PLEKHA6: variants seen among roughly 807,000 people sequenced by gnomAD.
PLEKHA6 encodes pleckstrin homology domain-containing family A member 6.
PLEKHA6 carries 60 observed loss-of-function variants against 116.7 expected under a neutral mutation model. That is an observed-to-expected ratio of 0.51 (90% CI 0.42 to 0.64). The LOEUF (loss-of-function observed/expected upper bound fraction) is 0.64, where lower values mean the gene tolerates loss of function less well. Among genes scored for constraint, PLEKHA6 ranks in the 30% least tolerant of loss-of-function variants. The probability of loss-of-function intolerance (pLI) is 0.00; values close to 1 mark genes in which losing one functional copy is unlikely to be tolerated. For missense variants in PLEKHA6, 1,338 were observed against 1,422.7 expected, an observed-to-expected ratio of 0.94 and a Z score of 0.96; for synonymous variants, 489 against 556.1, an observed-to-expected ratio of 0.88 and a Z score of 1.70.
At chr1:204,279,545 T>C (rs1668379890) in intron 1 of PLEKHA6, among the ~76,000 whole-genome samples, 1 of 152,244 alleles carries the variant, frequency 6.6e-6, no homozygotes, top group Non-Finnish European at 1.5e-5. Context: ...CAAGGACAAA[T>C]GATTATGAAT....
At chr1:204,316,648 A>G (rs1481408702) in intron 1 of PLEKHA6, among the ~76,000 whole-genome samples, 1 of 152,180 alleles carries the variant, frequency 6.6e-6, no homozygotes, top group Non-Finnish European at 1.5e-5. Flanking sequence ...TCGGTTTCCC[A>G]TCTTTTCTGG....
At chr1:204,243,789 G>A (rs1663199125) in intron 15 of PLEKHA6, among the ~76,000 whole-genome samples, 1 of 152,094 alleles carries the variant, frequency 6.6e-6, no homozygotes, top group African/African-American at 2.4e-5. Context: ...GAGCACATGT[G>A]CGTATCTTTA....
chr1:204,321,935 G>A (rs1213110622), intron 1 of PLEKHA6, among the ~76,000 whole-genome samples: 5 of 152,186 alleles, frequency 3.3e-5, no homozygotes, highest in Admixed American at 2.0e-4. Context: ...TGCCCCTGGG[G>A]CTCTGGCAGG....
At chr1:204,296,985 G>A (rs1274404612) in intron 1 of PLEKHA6, 2 of 347,748 alleles carry the variant, frequency 5.8e-6, no homozygotes, top group African/African-American at 2.2e-5. Flanking sequence ...GAAGAAAGGA[G>A]TTCAGATTTA....
intron 15 of PLEKHA6, among the ~76,000 whole-genome samples, chr1:204,244,382 C>T (rs1409810518): frequency 6.6e-6 from 1 of 150,762 alleles, no homozygotes; most frequent in Non-Finnish European, 1.5e-5. Context: ...ACCTAGCGAT[C>T]CACCCGCCTT....
At chr1:204,377,019 A>G (rs1156842650) in intron 1 of PLEKHA6, among the ~76,000 whole-genome samples, 1 of 152,184 alleles carries the variant, frequency 6.6e-6, no homozygotes, top group Non-Finnish European at 1.5e-5. Flanking sequence ...GCTCTCTCTC[A>G]AGAATGCCAA....
chr1:204,349,969 G>C (rs935432702), intron 1 of PLEKHA6, among the ~76,000 whole-genome samples: 1 of 152,210 alleles, frequency 6.6e-6, no homozygotes, highest in South Asian at 2.1e-4. Flanking sequence ...AGGGTAACAC[G>C]CATGTGCTCC....
At chr1:204,262,759 C>T (rs931265110) in intron 6 of PLEKHA6, among the ~76,000 whole-genome samples, 1 of 152,176 alleles carries the variant, frequency 6.6e-6, no homozygotes, top group Non-Finnish European at 1.5e-5. Context: ...CAGGGGTGGG[C>T]CTCCTTCCTC....
At chr1:204,237,881 C>T (rs1255321511) in intron 17 of PLEKHA6, among the ~76,000 whole-genome samples, 3 of 152,224 alleles carry the variant, frequency 2.0e-5, no homozygotes, top group Non-Finnish European at 2.9e-5. Context: ...AAGTAGCAAA[C>T]ACACTGGACT....
At chr1:204,281,176 T>C (rs940269638) in intron 1 of PLEKHA6, 2 of 155,956 alleles carry the variant, frequency 1.3e-5, no homozygotes, top group East Asian at 1.9e-4. Flanking sequence ...CACAAGACCC[T>C]CGTCACTAAA....
intron 17 of PLEKHA6, among the ~76,000 whole-genome samples, chr1:204,239,031 A>G (rs570735803): frequency 6.9e-4 from 105 of 152,230 alleles, no homozygotes; most frequent in Non-Finnish European, 1.2e-3. Flanking sequence ...AATTTGGGGA[A>G]GAGGTATGTG....
At chr1:204,282,235 A>G (rs1668701838) in intron 1 of PLEKHA6, among the ~76,000 whole-genome samples, 1 of 152,192 alleles carries the variant, frequency 6.6e-6, no homozygotes, top group East Asian at 1.9e-4. Context: ...ATGTGTGTGC[A>G]CGCACGTGTG....
Position 204,248,578 on chromosome 1 carries a change from G to A in PLEKHA6, c.1824+243C>T, listed in dbSNP as rs187300743. ...TTCATGCTGTCCCAAAGAAATCCAG[G>A]TACAGGTATAGTTTGTGGGAAATAA... On this transcript the variant is annotated intron_variant, in intron 12 of 22. Transcript: ENST00000272203. Among the ~76,000 whole-genome samples, 294 of 152,364 alleles carry A rather than the reference G, an allele frequency of 1.9e-3. 4 individuals are homozygous for A. The highest frequency in any genetic ancestry group is 8.3e-3 in the Admixed American group (127 of 15,298).
intron 1 of PLEKHA6, among the ~76,000 whole-genome samples, chr1:204,320,955 G>A (rs966801082): frequency 6.6e-5 from 10 of 152,202 alleles, no homozygotes; most frequent in Admixed American, 3.9e-4. Context: ...AATGAAGCAG[G>A]AGGCTATTTC....
At chr1:204,327,221 C>T (rs1241910943) in intron 1 of PLEKHA6, among the ~76,000 whole-genome samples, 2 of 152,226 alleles carry the variant, frequency 1.3e-5, no homozygotes, top group Non-Finnish European at 2.9e-5. Flanking sequence ...ACCATTCTTC[C>T]TCGTTTAATG....
chr1:204,245,057 G>C, intron 14 of PLEKHA6, 54 bp from the exon 15 acceptor site: 1 of 1,272,098 alleles, frequency 7.9e-7, no homozygotes. Context: ...CGGCCTGGTG[G>C]GTAGATGGGC....
intron 2 of PLEKHA6, among the ~76,000 whole-genome samples, chr1:204,370,055 GC>G (rs1194359819): frequency 6.6e-6 from 1 of 152,196 alleles, no homozygotes; most frequent in Non-Finnish European, 1.5e-5. Context: ...TAGTGCAAGA[GC>G]ACACTGGAAG....
At chr1:204,345,463 G>C (rs1347509278) in intron 1 of PLEKHA6, among the ~76,000 whole-genome samples, 1 of 151,824 alleles carries the variant, frequency 6.6e-6, no homozygotes, top group Non-Finnish European at 1.5e-5. Flanking sequence ...TTTCCACTGA[G>C]AACCCTCTCC....
chr1:204,327,427 C>T (rs1462038103), intron 1 of PLEKHA6, among the ~76,000 whole-genome samples: 3 of 152,248 alleles, frequency 2.0e-5, no homozygotes, highest in Admixed American at 2.0e-4. Flanking sequence ...CGATAAGGAA[C>T]TAGCACAGGG....
Sources: gnomAD v4.1 joint callset for allele counts (sites outside exome capture counted in the v4.1 genomes callset) on GRCh38, gnomAD v4.1.1 for gene constraint, MANE v1.5 for transcripts, NCBI Gene and HGNC (gene_info 2026-07-23, HGNC 2026-07-21) for gene names.